Variants in C1orf232 observed in about 807,000 individuals in gnomAD.
The protein encoded by C1orf232 is uncharacterized protein C1orf232.
In C1orf232, 10 loss-of-function variants were observed where a neutral mutation model predicts 12.1. The observed-to-expected ratio is 0.82, with a 90% CI of 0.51 to 1.40. The LOEUF (loss-of-function observed/expected upper bound fraction) is 1.40. C1orf232 is among the 40% of genes most tolerant of loss of function. The pLI, the probability that C1orf232 is intolerant of heterozygous loss-of-function variation, is 0.00. For missense variants in C1orf232, 88 were observed against 98.4 expected (o/e 0.89, Z 0.45); for synonymous variants, 36 against 39.8 (o/e 0.90, Z 0.36).
Position 26,164,238 on chromosome 1 carries a change from C to G in C1orf232, c.484G>C (p.Val162Leu), listed in dbSNP as rs1485685304. The G allele has an allele frequency of 7.5e-6, 3 of 398,514 alleles. No individual in the cohort carries two copies. The highest frequency in any genetic ancestry group is 1.3e-4 in the South Asian group (1 of 7,858). 24.7% of individuals were successfully genotyped at this position (398,514 alleles called of 1,614,324 possible). Residue 162 changes from valine to leucine, a missense_variant, in exon 4 of 4, where the codon GTG becomes CTG. Coordinates refer to ENST00000634842, the MANE Select transcript of C1orf232 (RefSeq NM_001364669.2). This position sits in a 1 kb window ranked among gnomAD's most constrained non-coding sequence, Gnocchi z 4.2. ...ERPESQEAEP[V>L]AGFKWGFLTH... ...AGGAAGCCCCACTTGAAGCCGGCCA[C>G]CGGCTCGGCCTCCTGCGACTCGGGG...
intron 1 of C1orf232, among the ~76,000 whole-genome samples, chr1:26,167,408 T>G (rs1207699492): frequency 6.6e-6 from 1 of 152,140 alleles, no homozygotes; most frequent in African/African-American, 2.4e-5. Context: ...CAGGCTGGTC[T>G]CGAAATCCTG....
intron 1 of C1orf232, among the ~76,000 whole-genome samples, chr1:26,166,761 C>T (rs1295384464): frequency 6.6e-6 from 1 of 152,196 alleles, no homozygotes; most frequent in Non-Finnish European, 1.5e-5. Flanking sequence ...TTCACCTGTA[C>T]ATAGACATAC....
In C1orf232 at chr1:26,166,037, G is replaced by A. The variant is rs924076198; in HGVS notation, c.166C>T (p.Arg56Trp). The stretch of plus-strand genomic sequence containing the variant: ...GTGGAAGAAGGGAGAATACTCACCC[G>A]GCGGGCCAGCTGTGACATGGGATTG... ...TFNPMSQLAR[R>W]VQGVGVKGWL... Residue 56 changes from arginine (R) to tryptophan (W), a missense_variant and splice_region_variant, in exon 2 of 4, where the codon CGG becomes TGG. Arg to Trp is a moderately radical substitution (Grantham distance 101). Transcript: ENST00000634842. The A allele has an allele frequency of 8.1e-6, 10 of 1,231,576 alleles. 1 individual carries two copies. The highest frequency in any genetic ancestry group is 3.1e-5 in the African/African-American group (2 of 64,374). The allele number at this position is 1,231,576 out of a possible 1,614,324, so 76.3% of individuals were successfully genotyped here.
At chr1:26,166,773 T>G (rs1352084447) in intron 1 of C1orf232, among the ~76,000 whole-genome samples, 2 of 152,188 alleles carry the variant, frequency 1.3e-5, no homozygotes, top group Admixed American at 6.5e-5. Context: ...TAGACATACG[T>G]GTTGTGAAGC....
intron 1 of C1orf232, among the ~76,000 whole-genome samples, chr1:26,166,952 T>C (rs530022185): frequency 6.6e-6 from 1 of 152,296 alleles, no homozygotes; most frequent in South Asian, 2.1e-4. Flanking sequence ...CACAGAGGCA[T>C]GCAGGCAGAC....
rs1215177751 is a variant in C1orf232 at position 26,165,813 on chromosome 1, C to G, written c.266+13G>C. On this transcript the variant is annotated intron_variant, in intron 3 of 3. Coordinates refer to ENST00000634842, the MANE Select transcript of C1orf232 (RefSeq NM_001364669.2). The stretch of plus-strand genomic sequence containing the variant: ...GCCCCTTCCAGAACCACCACAAACA[C>G]ACACGCACATACTGGTCAGCGCAAG... The G allele has an allele frequency of 1.6e-6, 2 of 1,231,824 alleles. No individual in the cohort carries two copies. The highest frequency in any genetic ancestry group is 1.6e-5 in the African/African-American group (1 of 64,418). 76.3% of individuals were successfully genotyped at this position (1,231,824 alleles called of 1,614,324 possible).
In C1orf232 at chr1:26,166,031, T is replaced by C. The variant is rs2088422483; in HGVS notation, c.168+4A>G. 8.1e-7 allele frequency: 1 copy of C among 1,231,694 alleles called. No homozygotes were observed. The highest frequency in any genetic ancestry group is 1.0e-6 in the Non-Finnish European group (1 of 987,998). 76.3% of individuals were successfully genotyped at this position (1,231,694 alleles called of 1,614,324 possible). A position where few individuals can be genotyped will look rare whatever the true frequency, so the allele number is the denominator to read the frequency against. On this transcript the variant is annotated splice_donor_region_variant and intron_variant, in intron 2 of 3. Transcript: ENST00000634842. Reference sequence around the variant, plus strand: ...GTTGGGGTGGAAGAAGGGAGAATACTCACCCGGCGGGCCAGCTGTGACATG... The same window carrying C: ...GTTGGGGTGGAAGAAGGGAGAATACCCACCCGGCGGGCCAGCTGTGACATG...
At position 26,164,241 on chromosome 1, in the gene C1orf232, G is replaced by C. The variant is rs1213568317; in HGVS notation, c.481C>G (p.Pro161Ala). ...AERPESQEAE[P>A]VAGFKWGFLT... ...AAGCCCCACTTGAAGCCGGCCACCG[G>C]CTCGGCCTCCTGCGACTCGGGGCGC... The change falls in exon 4 of 4, where the codon CCG becomes GCG. Residue 161 changes from proline to alanine, a missense_variant. Pro to Ala is a conservative substitution (Grantham distance 27). Transcript: ENST00000634842. The surrounding 1 kb of genome is among the most constrained non-coding windows in gnomAD (Gnocchi z 4.2). The C allele has an allele frequency of 7.5e-6, 3 of 398,416 alleles. No homozygotes were observed. The highest frequency in any genetic ancestry group is 1.3e-5 in the Non-Finnish European group (3 of 226,012). The allele number at this position is 398,416 out of a possible 1,614,324, so 24.7% of individuals were successfully genotyped here. A position where few individuals can be genotyped will look rare whatever the true frequency, so the allele number is the denominator to read the frequency against.
intron 3 of C1orf232, among the ~76,000 whole-genome samples, chr1:26,165,218 A>G (rs959261055): frequency 2.6e-5 from 4 of 152,030 alleles, no homozygotes; most frequent in Non-Finnish European, 5.9e-5. Context: ...TGTGATCAGG[A>G]TGGAGAAAAG....
chr1:26,168,554 G>C lies in C1orf232; in HGVS notation c.-55C>G. ...AGCACAGGAAGGTGGTGGCTCAGTG[G>C]ATACCAGTGAGTCTGGCTCTAGGAA... On this transcript the variant is annotated 5_prime_UTR_variant, in exon 1 of 4. It adds an upstream start codon to the 5' untranslated region. Transcript: ENST00000634842. 8.6e-7 allele frequency: 1 copy of C among 1,159,362 alleles called. No individual in the cohort carries two copies. The highest frequency in any genetic ancestry group is 4.4e-5 in the South Asian group (1 of 22,814). 71.8% of individuals were successfully genotyped at this position (1,159,362 alleles called of 1,614,324 possible).
intron 1 of C1orf232, among the ~76,000 whole-genome samples, chr1:26,168,170 G>A (rs1283159918): frequency 6.6e-6 from 1 of 152,132 alleles, no homozygotes; most frequent in Admixed American, 6.5e-5. Flanking sequence ...TCTCTTCCAT[G>A]TGGCAGCCTC....
In C1orf232 at chr1:26,164,865, C is replaced by G. The variant is rs1557611675; in HGVS notation, c.267-410G>C. Reference sequence around the variant, plus strand: ...GAGCGGGAGGGCTGTTCAGATCCCCCCTGAGGGAAGCCCTGGGGAAAAGAG... The same window carrying G: ...GAGCGGGAGGGCTGTTCAGATCCCCGCTGAGGGAAGCCCTGGGGAAAAGAG... On this transcript the variant is annotated intron_variant, in intron 3 of 3. Transcript: ENST00000634842. The surrounding 1 kb of genome is among the most constrained non-coding windows in gnomAD (Gnocchi z 4.2). 2.0e-5 allele frequency among the ~76,000 whole-genome samples: 3 copies of G among 151,910 alleles called. No homozygotes were observed. Among genetic ancestry groups the G allele is most frequent in the African/African-American group, 7.3e-5 (3 of 41,326 alleles).
chr1:26,164,395 G>A lies in C1orf232; in HGVS notation c.327C>T (p.Gly109=), dbSNP rs549669205. 303 of 388,186 alleles carry A rather than the reference G, an allele frequency of 7.8e-4. 1 individual carries two copies. Among genetic ancestry groups the A allele is most frequent in the African/African-American group, 4.7e-3 (225 of 48,232 alleles). 24.0% of individuals were successfully genotyped at this position (388,186 alleles called of 1,614,324 possible). Reference sequence around the variant, plus strand: ...ACCTGCTGGCGAACGCGTCCCAGAAGCCCGGGCCGCGCGCCTCCGCCGCCG... The same window carrying A: ...ACCTGCTGGCGAACGCGTCCCAGAAACCCGGGCCGCGCGCCTCCGCCGCCG... ...AAAAAEARGP[G]FWDAFASRWQ... Residue 109 remains glycine, a synonymous_variant, in exon 4 of 4, where the codon GGC becomes GGT. Transcript: ENST00000634842. This position sits in a 1 kb window ranked among gnomAD's most constrained non-coding sequence, Gnocchi z 4.2.
Position 26,168,752 on chromosome 1 carries a change from G to A in C1orf232, c.-253C>T, listed in dbSNP as rs905787117. The stretch of plus-strand genomic sequence containing the variant: ...CCTTGTCTTGACCCATATTGGCCAA[G>A]AATAATGAAGTCATTTGTCTCTAGA... On this transcript the variant is annotated 5_prime_UTR_variant, in exon 1 of 4. Coordinates refer to ENST00000634842, the MANE Select transcript of C1orf232 (RefSeq NM_001364669.2). 2.1e-4 allele frequency among the ~76,000 whole-genome samples: 32 copies of A among 152,208 alleles called. No homozygotes were observed. The highest frequency in any genetic ancestry group is 7.7e-4 in the African/African-American group (32 of 41,444).
At position 26,164,170 on chromosome 1, in the gene C1orf232, C is replaced by T. The variant is rs1230610482; in HGVS notation, c.552G>A (p.Lys184=). 2.5e-6 allele frequency: 1 copy of T among 398,338 alleles called. No individual in the cohort carries two copies. The highest frequency in any genetic ancestry group is 2.1e-5 in the African/African-American group (1 of 48,636). The allele number at this position is 398,338 out of a possible 1,614,324, so 24.7% of individuals were successfully genotyped here. A position where few individuals can be genotyped will look rare whatever the true frequency, so the allele number is the denominator to read the frequency against. Reference sequence around the variant, plus strand: ...GGGTTCTGCCAGCCTGCTAGTCACCCTTGGGCGCAGCCTTCACCCTCATCT... The same window carrying T: ...GGGTTCTGCCAGCCTGCTAGTCACCTTTGGGCGCAGCCTTCACCCTCATCT... ...LAEMRVKAAP[K]GD The change falls in exon 4 of 4, where the codon AAG becomes AAA. Residue 184 remains lysine, a synonymous_variant. Transcript: ENST00000634842. The surrounding 1 kb of genome is among the most constrained non-coding windows in gnomAD (Gnocchi z 4.2).
At chr1:26,165,775 A>AG (rs1386342883) in intron 3 of C1orf232, 51 bp downstream of exon 3, 22 of 1,231,740 alleles carry the variant, frequency 1.8e-5, no homozygotes, top group Non-Finnish European at 2.2e-5. Flanking sequence ...ACCAGGCAGA[A>AG]GGGGGACCTC....
At chr1:26,165,028 T>TG (rs2088411711) in intron 3 of C1orf232, among the ~76,000 whole-genome samples, 1 of 131,720 alleles carries the variant, frequency 7.6e-6, no homozygotes, top group South Asian at 2.4e-4. Context: ...GGGAAGATGT[T>TG]GGGGGGAAGG....
chr1:26,166,017 A>C lies in C1orf232; in HGVS notation c.168+18T>G, dbSNP rs1297026763. On this transcript the variant is annotated intron_variant, in intron 2 of 3. Coordinates refer to ENST00000634842, the MANE Select transcript of C1orf232 (RefSeq NM_001364669.2). ...CCAGGCTGCCCAGGGTTGGGGTGGA[A>C]GAAGGGAGAATACTCACCCGGCGGG... 1 of 1,231,596 alleles carries C rather than the reference A, an allele frequency of 8.1e-7. No individual in the cohort carries two copies. The highest frequency in any genetic ancestry group is 1.0e-6 in the Non-Finnish European group (1 of 987,984). The allele number at this position is 1,231,596 out of a possible 1,614,324, so 76.3% of individuals were successfully genotyped here. A position where few individuals can be genotyped will look rare whatever the true frequency, so the allele number is the denominator to read the frequency against.
In C1orf232 at chr1:26,166,314, C is replaced by T. The variant is rs115797332; in HGVS notation, c.85-196G>A. The stretch of plus-strand genomic sequence containing the variant: ...TACCTGCAGAGTAAATCCCTGCAGA[C>T]ACCCTTTTTTTCCTTTGTGTGTGCG... On this transcript the variant is annotated intron_variant, in intron 1 of 3. Transcript: ENST00000634842. Among the ~76,000 whole-genome samples, 366 of 151,648 alleles carry T rather than the reference C, an allele frequency of 2.4e-3. 2 individuals carry two copies. Among genetic ancestry groups the T allele is most frequent in the African/African-American group, 8.6e-3 (356 of 41,346 alleles).
Sources: allele counts gnomAD v4.1 joint callset (sites outside exome capture counted in the v4.1 genomes callset), GRCh38; gene constraint gnomAD v4.1.1; non-coding constraint Gnocchi (gnomAD v3.1); transcripts MANE v1.5; gene names NCBI Gene and HGNC (gene_info 2026-07-23, HGNC 2026-07-21).